SLC17A4: variants seen among roughly 807,000 people sequenced by gnomAD.
SLC17A4 encodes probable small intestine urate exporter.
Under a neutral mutation model 52.5 loss-of-function variants are expected in SLC17A4, and 33 were observed. The observed-to-expected ratio is 0.63, with a 90% CI of 0.48 to 0.84. The LOEUF (loss-of-function observed/expected upper bound fraction) is 0.84. Among genes scored for constraint, SLC17A4 ranks in the 40% least tolerant of loss-of-function variants. SLC17A4 has a pLI of 0.00. For missense variants in SLC17A4, 585 were observed against 597.1 expected, an observed-to-expected ratio of 0.98 and a Z score of 0.21; for synonymous variants, 225 against 216.2, an observed-to-expected ratio of 1.04 and a Z score of -0.36.
chr6:25,778,544 T>C (rs1581434064), intron 11 of SLC17A4, among the ~76,000 whole-genome samples: 1 of 152,154 alleles, frequency 6.6e-6, no homozygotes, highest in Admixed American at 6.5e-5. Context: ...ATTCATTCAA[T>C]AAATATTAAA....
At chr6:25,772,582 T>C (rs899535293) in intron 6 of SLC17A4, among the ~76,000 whole-genome samples, 9 of 152,170 alleles carry the variant, frequency 5.9e-5, no homozygotes, top group Non-Finnish European at 1.2e-4. Flanking sequence ...TAATAATGTA[T>C]ATATTAGAAA....
intron 8 of SLC17A4, among the ~76,000 whole-genome samples, chr6:25,776,369 G>C (rs1762916290): frequency 6.7e-6 from 1 of 150,214 alleles, no homozygotes; most frequent in Non-Finnish European, 1.5e-5. Context: ...TTATTTCCAG[G>C]TGATTTTTAT....
In SLC17A4 at chr6:25,779,116, G is replaced by A. The variant is rs767411821; in HGVS notation, c.1422G>A (p.Leu474=). 46 of 1,613,788 alleles carry A rather than the reference G, an allele frequency of 2.9e-5. No individual in the cohort carries two copies. The highest frequency in any genetic ancestry group is 3.7e-5 in the Non-Finnish European group (44 of 1,179,846). The change falls in exon 12 of 12, where the codon CTG becomes CTA. Residue 474 remains leucine (L), a synonymous_variant. Coordinates refer to ENST00000377905, the MANE Select transcript of SLC17A4 (RefSeq NM_005495.3). ...CAGCTGCTGTTAACATATCGGGCCT[G>A]GTTTTCTACCTCATCTTTGGCCGAG... ...LLSAAVNISG[L]VFYLIFGRAD...
At chr6:25,763,268 T>C (rs909776014) in intron 2 of SLC17A4, among the ~76,000 whole-genome samples, 1 of 152,200 alleles carries the variant, frequency 6.6e-6, no homozygotes, top group African/African-American at 2.4e-5. Flanking sequence ...CACTTTACCC[T>C]GGCCTGTTGT....
At position 25,770,939 on chromosome 6, in the gene SLC17A4, G is replaced by T. The variant is rs760283876; in HGVS notation, c.633G>T (p.Gly211=). The T allele has an allele frequency of 1.9e-5, 31 of 1,613,564 alleles. No homozygotes were observed. The highest frequency in any genetic ancestry group is 2.5e-5 in the Non-Finnish European group (30 of 1,179,672). ...TTIAGSGSML[G]SFIVLLAGGL... ...TCTTCTGTTCAGGGTCAATGCTGGG[G>T]TCCTTCATTGTTCTACTTGCTGGTG... The change falls in exon 6 of 12, where the codon GGG becomes GGT. Residue 211 remains glycine (G), a synonymous_variant. Transcript: ENST00000377905.
intron 1 of SLC17A4, among the ~76,000 whole-genome samples, chr6:25,761,177 T>A (rs1240065882): frequency 2.0e-5 from 3 of 152,196 alleles, no homozygotes; most frequent in African/African-American, 7.2e-5. Context: ...ATATGAACTT[T>A]CACAATTTTC....
At chr6:25,774,264 TACTC>T (rs977868814) in intron 8 of SLC17A4, among the ~76,000 whole-genome samples, 3 of 152,238 alleles carry the variant, frequency 2.0e-5, no homozygotes, top group African/African-American at 7.2e-5. Context: ...AATAGACAGA[TACTC>T]TGAATGGCTG....
chr6:25,773,350 G>C lies in SLC17A4; in HGVS notation c.782G>C (p.Ser261Thr). The change falls in exon 7 of 12, where the codon AGT becomes ACT. Residue 261 changes from serine (S) to threonine (T), a missense_variant. By Grantham distance (58) the Ser-to-Thr change is moderately conservative. Coordinates refer to ENST00000377905, the MANE Select transcript of SLC17A4 (RefSeq NM_005495.3). ...YDDPVNHPFI[S>T]AGEKRYIVCS... ...GATCCTGTGAATCATCCCTTTATCA[G>C]TGCTGGTGAGAAGAGATACATTGTG... 1 of 1,613,920 alleles carries C rather than the reference G, an allele frequency of 6.2e-7. No individual in the cohort carries two copies. Among genetic ancestry groups the C allele is most frequent in the Non-Finnish European group, 8.5e-7 (1 of 1,179,892 alleles).
At chr6:25,761,848 C>T in intron 1 of SLC17A4, 79 bp from the exon 2 acceptor site, 1 of 777,638 alleles carries the variant, frequency 1.3e-6, no homozygotes, top group Non-Finnish European at 2.0e-6. Context: ...GCAACATTTG[C>T]TCCTAGTTCT....
At position 25,770,194 on chromosome 6, in the gene SLC17A4, G is replaced by A. The variant is rs954055808; in HGVS notation, c.425G>A (p.Gly142Asp). The A allele has an allele frequency of 1.9e-6, 3 of 1,613,960 alleles. No homozygotes were observed. Among genetic ancestry groups the A allele is most frequent in the Admixed American group, 3.3e-5 (2 of 59,986 alleles). ...ATATTTGGAGCCAAGTATGTGGTTG[G>A]TGCTGGCTTGTTTATTTCCTCATTC... Reference protein sequence around the residue: ...AGIFGAKYVVGAGLFISSFLT... With the variant: ...AGIFGAKYVVDAGLFISSFLT... Residue 142 changes from glycine (G) to aspartate (D), a missense_variant, in exon 4 of 12, where the codon GGT becomes GAT. Coordinates refer to ENST00000377905, the MANE Select transcript of SLC17A4 (RefSeq NM_005495.3).
At position 25,769,098 on chromosome 6, in the gene SLC17A4, G is replaced by GC. The variant is rs1323687505; in HGVS notation, c.209dup (p.Pro71ThrfsTer2). The GC allele has an allele frequency of 6.2e-7, 1 of 1,614,004 alleles. No individual in the cohort carries two copies. The highest frequency in any genetic ancestry group is 1.1e-5 in the South Asian group (1 of 91,080). On this transcript the variant is annotated frameshift_variant, in exon 3 of 12. Transcript: ENST00000377905. LOFTEE classifies it high-confidence loss of function. ...CATCCCAGCTATGGTGAACAACACAGCCCCACCTAGCCAGCCCAATGCTTC... is the reference window on the plus strand; with the variant it reads ...CATCCCAGCTATGGTGAACAACACAGCCCCCACCTAGCCAGCCCAATGCTTC...
At chr6:25,757,569 C>T (rs1401504024) in intron 1 of SLC17A4, among the ~76,000 whole-genome samples, 1 of 152,110 alleles carries the variant, frequency 6.6e-6, no homozygotes, top group Admixed American at 6.5e-5. Flanking sequence ...ACCCGCTGCT[C>T]CAGTTTGGGC....
intron 11 of SLC17A4, 50 bp downstream of exon 11, chr6:25,778,066 A>G: frequency 1.3e-6 from 2 of 1,492,126 alleles, no homozygotes; most frequent in East Asian, 2.3e-5. Flanking sequence ...CTATAGAGGC[A>G]TGGTTTTTTC....
Position 25,773,652 on chromosome 6 carries a change from T to G in SLC17A4, c.965T>G (p.Val322Gly), listed in dbSNP as rs1315927707. Residue 322 changes from valine (V) to glycine (G), a missense_variant, in exon 8 of 12, where the codon GTA (valine) becomes GGA (glycine). Val to Gly is a moderately radical substitution (Grantham distance 109). Transcript: ENST00000377905. Reference protein sequence around the residue: ...MAYTPTYISSVLQANLRDSGI... With the variant: ...MAYTPTYISSGLQANLRDSGI... The stretch of plus-strand genomic sequence containing the variant: ...TACACACCAACGTACATCAGCTCGG[T>G]ACTTCAAGCCAACCTCAGAGATGTA... 3 of 1,613,654 alleles carry G rather than the reference T, an allele frequency of 1.9e-6. No homozygotes were observed. The highest frequency in any genetic ancestry group is 2.5e-6 in the Non-Finnish European group (3 of 1,179,736).
At chr6:25,775,581 G>T (rs112217478) in intron 8 of SLC17A4, among the ~76,000 whole-genome samples, 2 of 151,852 alleles carry the variant, frequency 1.3e-5, no homozygotes, top group Non-Finnish European at 2.9e-5. Flanking sequence ...GACCACAGGC[G>T]TGTACCACCA....
rs768268680 is a variant in SLC17A4 at position 25,779,172 on chromosome 6, C to T, written c.1478C>T (p.Thr493Ile). The T allele has an allele frequency of 1.2e-6, 2 of 1,613,738 alleles. No homozygotes were observed. Among genetic ancestry groups the T allele is most frequent in the Non-Finnish European group, 1.7e-6 (2 of 1,179,728 alleles). ...GTGCAGGACTGGGCTAAAGAGCAGA[C>T]ATTCACCCACCTCTGAGCAAACCGA... is the stretch of plus-strand genomic sequence containing the variant. ...ADVQDWAKEQ[T>I]FTHL Residue 493 changes from threonine to isoleucine, a missense_variant, in exon 12 of 12, where the codon ACA becomes ATA. Transcript: ENST00000377905.
chr6:25,769,557 TAA>T (rs1233953890), intron 3 of SLC17A4, among the ~76,000 whole-genome samples: 7 of 136,018 alleles, frequency 5.1e-5, no homozygotes, highest in Admixed American at 1.5e-4. Context: ...GATTCTGTCT[TAA>T]AAAAAAAAAA....
chr6:25,772,411 G>C (rs1892252), intron 6 of SLC17A4, among the ~76,000 whole-genome samples: 109,856 of 152,064 alleles, frequency 0.72, 43,854 homozygotes, highest in East Asian at 0.94. Context: ...AGCAAAAAGC[G>C]TGGTGTATAG....
intron 8 of SLC17A4, among the ~76,000 whole-genome samples, chr6:25,775,188 C>A (rs117618008): frequency 0.031 from 4,722 of 151,866 alleles, 110 homozygotes; most frequent in Middle Eastern, 0.078. Flanking sequence ...AAAAATTAGC[C>A]AGGTGTTGTG....
Sources: gnomAD v4.1 joint callset for allele counts (sites outside exome capture counted in the v4.1 genomes callset) on GRCh38, gnomAD v4.1.1 for gene constraint, MANE v1.5 for transcripts, NCBI Gene and HGNC (gene_info 2026-07-23, HGNC 2026-07-21) for gene names.